CFAP53: variants seen among roughly 807,000 people sequenced by gnomAD.
CFAP53 encodes the protein cilia and flagella associated protein 53, also known as cilia- and flagella-associated protein 53.
In CFAP53, 62 loss-of-function variants were observed where a neutral mutation model predicts 59.7. The observed-to-expected ratio is 1.04, with a 90% CI of 0.85 to 1.28. The LOEUF (loss-of-function observed/expected upper bound fraction) is 1.28. CFAP53 is among the 50% of genes most tolerant of loss of function. CFAP53 has a pLI of 0.00. For missense variants in CFAP53, 629 were observed against 615.6 expected, an observed-to-expected ratio of 1.02 and a Z score of -0.23; for synonymous variants, 218 against 205.7, an observed-to-expected ratio of 1.06 and a Z score of -0.51.
At chr18:50,239,127 C>T (rs1266519442) in intron 6 of CFAP53, among the ~76,000 whole-genome samples, 3 of 150,736 alleles carry the variant, frequency 2.0e-5, no homozygotes, top group African/African-American at 4.9e-5. Context: ...ATGCCTCATG[C>T]CGGTAATCCC....
chr18:50,261,382 GT>G, intron 2 of CFAP53, 145 bp from the exon 3 acceptor site: 1 of 985,870 alleles, frequency 1.0e-6, no homozygotes, highest in South Asian at 2.3e-5. Flanking sequence ...TGGTTGGTTT[GT>G]TTTTTTGTTT....
At chr18:50,258,057 A>G (rs895800911) in intron 3 of CFAP53, among the ~76,000 whole-genome samples, 2 of 152,182 alleles carry the variant, frequency 1.3e-5, no homozygotes, top group African/African-American at 2.4e-5. Flanking sequence ...CCCTGTCTCA[A>G]AATAAAATGA....
chr18:50,230,543 A>G lies in CFAP53; in HGVS notation c.1317-2934T>C, dbSNP rs137930665. Among the ~76,000 whole-genome samples the G allele has an allele frequency of 2.0e-3, 307 of 152,346 alleles. 3 individuals carry two copies. The highest frequency in any genetic ancestry group is 7.0e-3 in the African/African-American group (292 of 41,584). On this transcript the variant is annotated intron_variant, in intron 7 of 7. Coordinates refer to ENST00000398545, the MANE Select transcript of CFAP53 (RefSeq NM_145020.5). ...TGATAAACTGGTAAACACAAGTCAA[A>G]TGTGTTCCTGATTTCTCTGAGCAAT...
chr18:50,227,955 CTTT>C (rs1191228047), intron 7 of CFAP53, among the ~76,000 whole-genome samples: 72 of 90,092 alleles, frequency 8.0e-4, no homozygotes, highest in African/African-American at 2.7e-3. Context: ...AACTTTTCTC[CTTT>C]TTTTTTTTTT....
intron 5 of CFAP53, among the ~76,000 whole-genome samples, chr18:50,248,073 T>C (rs572876675): frequency 6.7e-6 from 1 of 150,322 alleles, no homozygotes; most frequent in South Asian, 2.1e-4. Context: ...TGAGCTATGA[T>C]CATGCCACTG....
At chr18:50,251,870 G>A in intron 3 of CFAP53, 86 bp from the exon 4 acceptor site, 1 of 1,206,908 alleles carries the variant, frequency 8.3e-7, no homozygotes, top group Non-Finnish European at 1.2e-6. Context: ...ATCACACAAT[G>A]AAGCAAGAAA....
chr18:50,237,329 A>AATATATATATATAT (rs1555671379), intron 7 of CFAP53, among the ~76,000 whole-genome samples: 7 of 6,340 alleles, frequency 1.1e-3, no homozygotes, highest in Non-Finnish European at 1.8e-3. Context: ...AAAAAAAAAA[A>AATATATATATATAT]ATATATATAT....
intron 3 of CFAP53, among the ~76,000 whole-genome samples, chr18:50,259,465 G>T (rs182773376): frequency 1.4e-5 from 2 of 138,814 alleles, no homozygotes; most frequent in Admixed American, 7.4e-5. Context: ...ATAGTGGGGG[G>T]TTGGGGGTGG....
chr18:50,258,066 G>T (rs189793774), intron 3 of CFAP53, among the ~76,000 whole-genome samples: 228 of 151,820 alleles, frequency 1.5e-3, no homozygotes, highest in African/African-American at 3.5e-3. Context: ...AAAATAAAAT[G>T]AAATAAAAGA....
chr18:50,245,007 G>A (rs1416593623), intron 5 of CFAP53, among the ~76,000 whole-genome samples: 1 of 148,190 alleles, frequency 6.7e-6, no homozygotes, highest in Non-Finnish European at 1.5e-5. Context: ...AGGTTGCAGT[G>A]AGCCAAGAAC....
intron 3 of CFAP53, among the ~76,000 whole-genome samples, chr18:50,260,372 G>A (rs2033879482): frequency 6.6e-6 from 1 of 152,096 alleles, no homozygotes; most frequent in African/African-American, 2.4e-5. Flanking sequence ...AAAGAAGAGA[G>A]TAGAGAGGGC....
chr18:50,256,150 T>C (rs2144429130), intron 3 of CFAP53: 1 of 152,310 alleles, frequency 6.6e-6, no homozygotes, highest in African/African-American at 2.4e-5. Context: ...TGTTGCTAAA[T>C]CCATAAATTT....
rs1599132402 is a variant in CFAP53 at position 50,261,062 on chromosome 18, A to G, written c.473+2T>C. On this transcript the variant is annotated splice_donor_variant, in intron 3 of 7. Transcript: ENST00000398545. LOFTEE classifies it high-confidence loss of function. ...TGTTTGTGTGTTTTCTGATTTCATT[A>G]CCTGAATTGCTGGTCTAGCTTTTCA... is the stretch of plus-strand genomic sequence containing the variant. 1 of 1,591,364 alleles carries G rather than the reference A, an allele frequency of 6.3e-7. No individual in the cohort carries two copies. Among genetic ancestry groups the G allele is most frequent in the South Asian group, 1.2e-5 (1 of 84,884 alleles).
intron 3 of CFAP53, among the ~76,000 whole-genome samples, chr18:50,257,792 G>A (rs1243851698): frequency 6.6e-6 from 1 of 152,212 alleles, no homozygotes; most frequent in African/African-American, 2.4e-5. Flanking sequence ...AACTTTGGGA[G>A]GCCAAGGTGG....
intron 5 of CFAP53, 50 bp from the exon 6 acceptor site, chr18:50,243,166 T>C (rs2033709257): frequency 2.3e-6 from 3 of 1,314,040 alleles, no homozygotes; most frequent in South Asian, 2.5e-5. Flanking sequence ...TGTGATACTA[T>C]AGTAAGGATA....
intron 3 of CFAP53, among the ~76,000 whole-genome samples, chr18:50,253,226 CA>C (rs2033818148): frequency 6.6e-6 from 1 of 152,092 alleles, no homozygotes. Flanking sequence ...CCGTGTTACC[CA>C]GGATGGTCTT....
intron 7 of CFAP53, among the ~76,000 whole-genome samples, chr18:50,237,304 CAAAAAA>C (rs143356494): frequency 4.3e-4 from 4 of 9,338 alleles, no homozygotes; most frequent in African/African-American, 8.6e-4. Context: ...GACTCCATCT[CAAAAAA>C]AAAAAAAAAA....
intron 6 of CFAP53, among the ~76,000 whole-genome samples, chr18:50,242,679 C>T (rs575290477): frequency 1.3e-5 from 2 of 152,130 alleles, no homozygotes; most frequent in Admixed American, 1.3e-4. Context: ...ATGTACTGTT[C>T]CTTTAACCTT....
chr18:50,250,744 A>G lies in CFAP53; in HGVS notation c.996+14T>C. The G allele has an allele frequency of 4.3e-6, 7 of 1,612,046 alleles. No homozygotes were observed. The highest frequency in any genetic ancestry group is 5.9e-6 in the Non-Finnish European group (7 of 1,178,372). The stretch of plus-strand genomic sequence containing the variant: ...CCCTTCCAGCAGGTAGCAGGCACCA[A>G]AAAAATGTCTTACTCTTTTTTGTTT... On this transcript the variant is annotated intron_variant, in intron 5 of 7. Transcript: ENST00000398545.
Sources: allele counts gnomAD v4.1 joint callset (sites outside exome capture counted in the v4.1 genomes callset), GRCh38; gene constraint gnomAD v4.1.1; transcripts MANE v1.5; gene names NCBI Gene and HGNC (gene_info 2026-07-23, HGNC 2026-07-21).